Variants in LIPG observed in about 807,000 individuals in gnomAD.
The protein encoded by LIPG is endothelial lipase.
LIPG carries 34 observed loss-of-function variants against 51.8 expected under a neutral mutation model. The observed-to-expected ratio is 0.66, with a 90% CI of 0.50 to 0.87. The LOEUF is 0.87. LIPG is among the 40% of genes least tolerant of loss of function. LIPG has a pLI of 0.00. For missense variants in LIPG, 580 were observed against 652.7 expected, an observed-to-expected ratio of 0.89 and a Z score of 1.21; for synonymous variants, 246 against 246.1, an observed-to-expected ratio of 1.00 and a Z score of 0.00.
In LIPG at chr18:49,598,772, C is replaced by G. The variant is rs980527134; in HGVS notation, c.*8250C>G. On this transcript the variant is annotated 3_prime_UTR_variant, in exon 10 of 10. Transcript: ENST00000261292. ...CCCCTTTGTAATTCTTCCCACTGCCCTCTCCCCAGGTTGTCCCTGATCTGC... is the reference window on the plus strand; with the variant it reads ...CCCCTTTGTAATTCTTCCCACTGCCGTCTCCCCAGGTTGTCCCTGATCTGC... 6.6e-6 allele frequency: 1 copy of G among 152,226 alleles called. No homozygotes were observed. The highest frequency in any genetic ancestry group is 1.5e-5 in the Non-Finnish European group (1 of 68,066). 9.4% of individuals were successfully genotyped at this position (152,226 alleles called of 1,614,324 possible).
At position 49,591,991 on chromosome 18, in the gene LIPG, A is replaced by G. The variant is rs938122865; in HGVS notation, c.*1469A>G. ...GACAAACAAGGACTTTTTTTTTTATATAGAGCCATCCATAAAATCCTAAGC... is the reference window on the plus strand; with the variant it reads ...GACAAACAAGGACTTTTTTTTTTATGTAGAGCCATCCATAAAATCCTAAGC... On this transcript the variant is annotated 3_prime_UTR_variant, in exon 10 of 10. Coordinates refer to ENST00000261292, the MANE Select transcript of LIPG (RefSeq NM_006033.4). The G allele has an allele frequency of 1.3e-5, 2 of 151,850 alleles. No individual in the cohort carries two copies. The highest frequency in any genetic ancestry group is 2.9e-5 in the Non-Finnish European group (2 of 67,952). 9.4% of individuals were successfully genotyped at this position (151,850 alleles called of 1,614,324 possible).
In LIPG at chr18:49,575,519, T is replaced by A; in HGVS notation, c.722T>A (p.Ile241Asn). The A allele has an allele frequency of 6.2e-7, 1 of 1,614,218 alleles. No individual in the cohort carries two copies. Among genetic ancestry groups the A allele is most frequent in the Middle Eastern group, 1.7e-4 (1 of 6,058 alleles). Residue 241 changes from isoleucine (I) to asparagine (N), a missense_variant, in exon 5 of 10, where the codon ATC becomes AAC. Transcript: ENST00000261292. ...CAGATGCCTGTGGGCCACATTGACA[T>A]CTACCCCAATGGGGGTGACTTCCAG... is the stretch of plus-strand genomic sequence containing the variant. ...GIQMPVGHID[I>N]YPNGGDFQPG...
rs985189069 is a variant in LIPG, at chr18:49,574,451, A to G, written c.572-918A>G. The stretch of plus-strand genomic sequence containing the variant: ...AGGCACTTGGGAATCTGCATTTTAT[A>G]CTTTGCAAGTTCTCTTTTGGAATGG... On this transcript the variant is annotated intron_variant, in intron 4 of 9. Coordinates refer to ENST00000261292, the MANE Select transcript of LIPG (RefSeq NM_006033.4). Among the ~76,000 whole-genome samples, 29 of 152,312 alleles carry G rather than the reference A, an allele frequency of 1.9e-4. 1 individual carries two copies. Among genetic ancestry groups the G allele is most frequent in the Admixed American group, 1.9e-3 (29 of 15,300 alleles).
At chr18:49,581,256 C>A (rs769310026) in intron 5 of LIPG, among the ~76,000 whole-genome samples, 159 bp from the exon 6 acceptor site, 4 of 152,134 alleles carry the variant, frequency 2.6e-5, no homozygotes, top group African/African-American at 7.2e-5. Context: ...AAGAGTGAGA[C>A]CTTGTCTCAA....
chr18:49,575,323 G>C, intron 4 of LIPG, 46 bp from the exon 5 acceptor site: 1 of 1,526,114 alleles, frequency 6.6e-7, no homozygotes, highest in Non-Finnish European at 9.1e-7. Flanking sequence ...TCACTGACCA[G>C]GTGCACCTGA....
chr18:49,583,088 T>C (rs2084840547), intron 7 of LIPG, among the ~76,000 whole-genome samples: 2 of 151,990 alleles, frequency 1.3e-5, no homozygotes, highest in Admixed American at 6.6e-5. Context: ...GGCTAGGAGT[T>C]TGGGGGAGAC....
chr18:49,582,702 G>GGAT (rs1322156107), intron 7 of LIPG, among the ~76,000 whole-genome samples: 1 of 152,178 alleles, frequency 6.6e-6, no homozygotes, highest in African/African-American at 2.4e-5. Flanking sequence ...AAAGTTCCTG[G>GGAT]GATGAATCGG....
At chr18:49,567,193 C>G (rs2084614275) in intron 2 of LIPG, among the ~76,000 whole-genome samples, 1 of 151,830 alleles carries the variant, frequency 6.6e-6, no homozygotes, top group Admixed American at 6.6e-5. Context: ...AAAAATTACC[C>G]AGGCATGGTG....
intron 5 of LIPG, 62 bp from the exon 6 acceptor site, chr18:49,581,349 ATTAT>A (rs2084816679): frequency 6.3e-7 from 1 of 1,594,854 alleles, no homozygotes; most frequent in East Asian, 2.2e-5. Context: ...TACAGTATTT[ATTAT>A]TTGAGTGTCT....
intron 9 of LIPG, among the ~76,000 whole-genome samples, chr18:49,588,728 C>T (rs940156109): frequency 2.6e-5 from 4 of 152,076 alleles, no homozygotes; most frequent in African/African-American, 9.7e-5. Flanking sequence ...TGAGGAAGGC[C>T]CATCTTGTGG....
At chr18:49,577,735 G>A (rs1426518990) in intron 5 of LIPG, among the ~76,000 whole-genome samples, 7 of 77,994 alleles carry the variant, frequency 9.0e-5, no homozygotes, top group South Asian at 5.4e-4. Context: ...ACGGCTGGCC[G>A]GGCGGGGGGG....
intron 5 of LIPG, among the ~76,000 whole-genome samples, chr18:49,576,484 T>TTTTTTTTTTTTTTAA: frequency 8.2e-6 from 1 of 121,492 alleles, no homozygotes; most frequent in Non-Finnish European, 1.7e-5. Context: ...TTTTTTTTTT[T>TTTTTTTTTTTTTTAA]GAGACGGAGT....
chr18:49,598,861 A>G lies in LIPG; in HGVS notation c.*8339A>G, dbSNP rs2084995399. 6.6e-6 allele frequency: 1 copy of G among 152,074 alleles called. No individual in the cohort carries two copies. The highest frequency in any genetic ancestry group is 2.1e-4 in the South Asian group (1 of 4,820). The allele number at this position is 152,074 out of a possible 1,614,324, so 9.4% of individuals were successfully genotyped here. ...TGTATAAGTGGAGTGTATCTACAGT[A>G]TGTTCTCTTTTGTGTCTGCCTTCTT... On this transcript the variant is annotated 3_prime_UTR_variant, in exon 10 of 10. Coordinates refer to ENST00000261292, the MANE Select transcript of LIPG (RefSeq NM_006033.4).
intron 4 of LIPG, among the ~76,000 whole-genome samples, chr18:49,572,165 C>G (rs1331010174): frequency 6.6e-6 from 1 of 151,926 alleles, no homozygotes; most frequent in African/African-American, 2.4e-5. Flanking sequence ...ACTAAAAGTA[C>G]AAAAATTAGC....
At position 49,594,281 on chromosome 18, in the gene LIPG, T is replaced by G. The variant is rs1180740378; in HGVS notation, c.*3759T>G. 6.6e-6 allele frequency: 1 copy of G among 152,174 alleles called. No homozygotes were observed. Among genetic ancestry groups the G allele is most frequent in the Admixed American group, 6.6e-5 (1 of 15,262 alleles). 9.4% of individuals were successfully genotyped at this position (152,174 alleles called of 1,614,324 possible). A position where few individuals can be genotyped will look rare whatever the true frequency, so the allele number is the denominator to read the frequency against. ...TCCCAAGTAGCTGGGATTACAGGCA[T>G]GCACCACCACACCCAGCTAATTTTT... On this transcript the variant is annotated 3_prime_UTR_variant, in exon 10 of 10. Transcript: ENST00000261292.
chr18:49,576,134 G>A (rs765293896), intron 5 of LIPG, among the ~76,000 whole-genome samples: 35 of 151,666 alleles, frequency 2.3e-4, no homozygotes, highest in South Asian at 1.7e-3. Flanking sequence ...CACCGCACCC[G>A]GCTGATTAAT....
At chr18:49,577,672 C>G (rs1458878936) in intron 5 of LIPG, among the ~76,000 whole-genome samples, 1 of 102,796 alleles carries the variant, frequency 9.7e-6, no homozygotes, top group Non-Finnish European at 2.2e-5. Flanking sequence ...CCCTCCCGGA[C>G]GGCACGGCTG....
chr18:49,573,761 A>C (rs920090212), intron 4 of LIPG, among the ~76,000 whole-genome samples: 2 of 152,024 alleles, frequency 1.3e-5, no homozygotes, highest in Non-Finnish European at 2.9e-5. Flanking sequence ...CCCTGGTTCT[A>C]ATGTGCTGTG....
intron 2 of LIPG, among the ~76,000 whole-genome samples, chr18:49,566,730 G>A (rs931403500): frequency 3.3e-5 from 5 of 152,110 alleles, no homozygotes; most frequent in East Asian, 3.9e-4. Flanking sequence ...ATCTCCCTGC[G>A]TCTCTAAGAG....
Sources: allele counts gnomAD v4.1 joint callset (sites outside exome capture counted in the v4.1 genomes callset), GRCh38; gene constraint gnomAD v4.1.1; transcripts MANE v1.5; gene names NCBI Gene and HGNC (gene_info 2026-07-23, HGNC 2026-07-21).